The following GRM7 variants were observed in gnomAD, a reference collection of about 807,000 sequenced individuals.
The protein encoded by GRM7 is glutamate metabotropic receptor 7, also known as metabotropic glutamate receptor 7.
In GRM7, 35 loss-of-function variants were observed where a neutral mutation model predicts 84.5. That is an observed-to-expected ratio of 0.41 (90% confidence interval 0.32 to 0.55). The LOEUF is 0.55. Among genes scored for constraint, GRM7 ranks in the 20% least tolerant of loss-of-function variants. The probability of loss-of-function intolerance (pLI) is 0.19; values close to 1 mark genes in which losing one functional copy is unlikely to be tolerated. For missense variants in GRM7, 1,003 were observed against 1,194.6 expected (o/e 0.84, Z 2.36); for synonymous variants, 487 against 455.1 (o/e 1.07, Z -0.89).
At chr3:7,013,238 A>T (rs1695446534) in intron 1 of GRM7, among the ~76,000 whole-genome samples, 2 of 151,780 alleles carry the variant, frequency 1.3e-5, no homozygotes, top group Non-Finnish European at 2.9e-5. Flanking sequence ...GCAAATGTGT[A>T]TGCTCTTCTC....
At chr3:7,518,023 T>C (rs1011995570) in intron 7 of GRM7, among the ~76,000 whole-genome samples, 2 of 152,208 alleles carry the variant, frequency 1.3e-5, no homozygotes, top group South Asian at 4.1e-4. Flanking sequence ...TTGGGGTGGC[T>C]GCAGTCAGCT....
At chr3:7,499,101 C>T (rs937879441) in intron 7 of GRM7, among the ~76,000 whole-genome samples, 1 of 152,126 alleles carries the variant, frequency 6.6e-6, no homozygotes, top group Non-Finnish European at 1.5e-5. Flanking sequence ...ATCTCAAAGG[C>T]TTCTTTGCTC....
At chr3:7,571,962 T>C (rs1286394827) in intron 7 of GRM7, among the ~76,000 whole-genome samples, 1 of 152,090 alleles carries the variant, frequency 6.6e-6, no homozygotes, top group African/African-American at 2.4e-5. Context: ...AAACTCCCAT[T>C]TTTAAAACCA....
At chr3:7,449,358 A>G (rs1697668859) in intron 5 of GRM7, among the ~76,000 whole-genome samples, 1 of 152,168 alleles carries the variant, frequency 6.6e-6, no homozygotes, top group Non-Finnish European at 1.5e-5. Flanking sequence ...AGATACAGAT[A>G]GGAAGATTCA....
At chr3:7,325,837 G>C (rs1313263355) in intron 4 of GRM7, among the ~76,000 whole-genome samples, 4 of 152,000 alleles carry the variant, frequency 2.6e-5, no homozygotes, top group Non-Finnish European at 4.4e-5. Context: ...GTATTTATGA[G>C]CTTCCTCCCA....
At chr3:7,058,309 T>G (rs1330217175) in intron 1 of GRM7, among the ~76,000 whole-genome samples, 1 of 151,962 alleles carries the variant, frequency 6.6e-6, no homozygotes, top group African/African-American at 2.4e-5. Context: ...ATTTATGCTC[T>G]ATGTATTCAA....
In GRM7 at chr3:7,446,464, G is replaced by GTTT. The variant is rs370257829; in HGVS notation, c.1175-6131_1175-6129dup. ...TTTTTGGTCTTGTTTTTTTTTTTTT[G>GTTT]TTTTTTTTTTTTTTGAGACGGAGTC... is the stretch of plus-strand genomic sequence containing the variant. On this transcript the variant is annotated intron_variant, in intron 5 of 9. Coordinates refer to ENST00000357716, the MANE Select transcript of GRM7 (RefSeq NM_000844.4). Among the ~76,000 whole-genome samples, 21 of 130,568 alleles carry GTTT rather than the reference G, an allele frequency of 1.6e-4. 1 individual carries two copies. The highest frequency in any genetic ancestry group is 2.2e-4 in the Non-Finnish European group (14 of 63,246). The allele number at this position is 130,568 out of a possible 152,430, so 85.7% of individuals were successfully genotyped here.
At chr3:6,971,475 C>T (rs1693757364) in intron 1 of GRM7, among the ~76,000 whole-genome samples, 1 of 152,094 alleles carries the variant, frequency 6.6e-6, no homozygotes, top group African/African-American at 2.4e-5. Context: ...CCTACAAAAC[C>T]CCAATAAAAC....
In GRM7 at chr3:7,099,873, T is replaced by C. The variant is rs1448925156; in HGVS notation, c.520-46579T>C. 1.2e-4 allele frequency among the ~76,000 whole-genome samples: 18 copies of C among 144,504 alleles called. 1 individual carries two copies. Among genetic ancestry groups the C allele is most frequent in the Admixed American group, 1.1e-3 (16 of 14,272 alleles). The allele number at this position is 144,504 out of a possible 152,430, so 94.8% of individuals were successfully genotyped here. A position where few individuals can be genotyped will look rare whatever the true frequency, so the allele number is the denominator to read the frequency against. On this transcript the variant is annotated intron_variant, in intron 1 of 9. Coordinates refer to ENST00000357716, the MANE Select transcript of GRM7 (RefSeq NM_000844.4). ...ATACATGTGCACATATATGTATATG[T>C]ACACGCATTATACATATATACATAG...
At position 7,320,684 on chromosome 3, in the gene GRM7, G is replaced by GTA. The variant is rs201689091; in HGVS notation, c.1033+14033_1033+14034insAT. ...TGAACACCATCAGTGGGTGATCAGT[G>GTA]TGTGTGTGTGTGTGTGTGTGTGTGT... On this transcript the variant is annotated intron_variant, in intron 4 of 9. Transcript: ENST00000357716. Among the ~76,000 whole-genome samples, 839 of 139,524 alleles carry GTA rather than the reference G, an allele frequency of 6.0e-3. 4 individuals carry two copies. Among genetic ancestry groups the GTA allele is most frequent in the East Asian group, 0.022 (109 of 4,870 alleles). The allele number at this position is 139,524 out of a possible 152,430, so 91.5% of individuals were successfully genotyped here. A position where few individuals can be genotyped will look rare whatever the true frequency, so the allele number is the denominator to read the frequency against.
At position 6,971,176 on chromosome 3, in the gene GRM7, A is replaced by C. The variant is rs1693738322; in HGVS notation, c.519+109269A>C. On this transcript the variant is annotated intron_variant, in intron 1 of 9. Coordinates refer to ENST00000357716, the MANE Select transcript of GRM7 (RefSeq NM_000844.4). ...AACTGCAGCAAAGATGATTCCACAA[A>C]AAAAAAAAAATTAAAAATAACAACA... 2.0e-5 allele frequency among the ~76,000 whole-genome samples: 3 copies of C among 151,852 alleles called. No homozygotes were observed. The South Asian group carries it at 6.2e-4, about 32-fold the overall frequency.
chr3:7,354,102 G>C (rs1450075101), intron 4 of GRM7, among the ~76,000 whole-genome samples: 1 of 152,130 alleles, frequency 6.6e-6, no homozygotes. Context: ...AGTTTCCCTT[G>C]AGAAAAGTCC....
chr3:7,636,516 T>C, intron 8 of GRM7: 1 of 256,132 alleles, frequency 3.9e-6, no homozygotes, highest in Non-Finnish European at 8.0e-6. Flanking sequence ...AGAGTTCTAT[T>C]AGTCTACATA....
At chr3:7,691,249 A>C in intron 9 of GRM7, 1 of 1,287,470 alleles carries the variant, frequency 7.8e-7, no homozygotes, top group South Asian at 1.2e-5. Flanking sequence ...GAGGATTGAG[A>C]TAACATTTCC....
chr3:7,174,338 A>C (rs1223144222), intron 2 of GRM7, among the ~76,000 whole-genome samples: 2 of 152,250 alleles, frequency 1.3e-5, no homozygotes, highest in Non-Finnish European at 2.9e-5. Context: ...GAAACCACTA[A>C]AAACATATTA....
At chr3:7,091,840 T>A (rs976868331) in intron 1 of GRM7, among the ~76,000 whole-genome samples, 4 of 151,278 alleles carry the variant, frequency 2.6e-5, no homozygotes, top group Non-Finnish European at 4.4e-5. Context: ...CATGGTACTT[T>A]ATGTGAAGTT....
intron 5 of GRM7, among the ~76,000 whole-genome samples, chr3:7,448,198 C>G (rs565179883): frequency 6.6e-6 from 1 of 150,688 alleles, no homozygotes; most frequent in Non-Finnish European, 1.5e-5. Flanking sequence ...TGAATAATGC[C>G]GCAATAAACA....
Position 7,122,325 on chromosome 3 carries a change from G to A in GRM7, c.520-24127G>A, listed in dbSNP as rs150225133. On this transcript the variant is annotated intron_variant, in intron 1 of 9. Transcript: ENST00000357716. ...TTTGTCATGATGAAAGAGGTAAAAA[G>A]CCCTAAGAATGAATGTATTACATAT... Among the ~76,000 whole-genome samples, 580 of 152,176 alleles carry A rather than the reference G, an allele frequency of 3.8e-3. 6 individuals carry two copies. Among genetic ancestry groups the A allele is most frequent in the African/African-American group, 0.013 (555 of 41,510 alleles).
chr3:7,510,204 T>C (rs1350573158), intron 7 of GRM7, among the ~76,000 whole-genome samples: 1 of 152,188 alleles, frequency 6.6e-6, no homozygotes, highest in Admixed American at 6.6e-5. Flanking sequence ...ATGTTTGTGG[T>C]CACCCTATTA....
Sources: allele counts gnomAD v4.1 joint callset (sites outside exome capture counted in the v4.1 genomes callset), GRCh38; gene constraint gnomAD v4.1.1; transcripts MANE v1.5; gene names NCBI Gene and HGNC (gene_info 2026-07-23, HGNC 2026-07-21).